TUBB: variants seen among roughly 807,000 people sequenced by gnomAD.
TUBB encodes the protein tubulin beta chain.
In TUBB, 2 loss-of-function variants were observed where a neutral mutation model predicts 35.1. That is an observed-to-expected ratio of 0.06 (90% CI 0.02 to 0.18). TUBB has a LOEUF of 0.18. TUBB is among the 10% of genes least tolerant of loss of function. TUBB has a pLI of 1.00. For synonymous variants in TUBB, 205 were observed against 223.8 expected (o/e 0.92, Z 0.75); for missense variants, 50 against 599.4 (o/e 0.08, Z 9.57).
chr6:30,720,601 GA>G (rs1776151491), intron 1 of TUBB, 38 bp downstream of exon 1: 2 of 1,585,808 alleles, frequency 1.3e-6, no homozygotes, highest in South Asian at 1.1e-5. Context: ...TTTTTACAAG[GA>G]AAAATCCAGG....
At chr6:30,722,111 C>A in intron 1 of TUBB, 1 of 199,878 alleles carries the variant, frequency 5.0e-6, no homozygotes, top group Non-Finnish European at 1.0e-5. Context: ...CGTGATTGCA[C>A]CACTGCACTG....
In TUBB at chr6:30,725,009, A is replaced by G. The variant is rs1776552138; in HGVS notation, c.*612A>G. On this transcript the variant is annotated 3_prime_UTR_variant, in exon 4 of 4. Coordinates refer to ENST00000327892, the MANE Select transcript of TUBB (RefSeq NM_178014.4). ...AGTCTGTCCCACTCTGTCAAGTGGAATCCTTCCCTTTCCAACTCTACCTCC... is the reference window on the plus strand; with the variant it reads ...AGTCTGTCCCACTCTGTCAAGTGGAGTCCTTCCCTTTCCAACTCTACCTCC... 2 of 152,240 alleles carry G rather than the reference A, an allele frequency of 1.3e-5. No individual in the cohort carries two copies. The highest frequency in any genetic ancestry group is 4.8e-5 in the African/African-American group (2 of 41,260). 9.4% of individuals were successfully genotyped at this position (152,240 alleles called of 1,614,324 possible).
intron 1 of TUBB, chr6:30,721,781 G>A: frequency 1.0e-6 from 1 of 985,420 alleles, no homozygotes; most frequent in Non-Finnish European, 1.2e-6. Context: ...AGGGAAAGCT[G>A]TGGCTTTCTC....
rs750851610 is a variant in TUBB at position 30,722,500 on chromosome 6, CTTGACCTG to C, written c.58-33_58-26del. On this transcript the variant is annotated intron_variant, in intron 1 of 3. Coordinates refer to ENST00000327892, the MANE Select transcript of TUBB (RefSeq NM_178014.4). The stretch of plus-strand genomic sequence containing the variant: ...TAGTTGGGGACATAGTTGGCTGGGA[CTTGACCTG>C]TTGTGGTCTCGTTGCTCCCCCTCGG... The C allele has an allele frequency of 8.4e-6, 12 of 1,437,042 alleles. No homozygotes were observed. In the African/African-American group the frequency reaches 1.4e-4, roughly 17 times the overall value. The allele number at this position is 1,437,042 out of a possible 1,614,324, so 89.0% of individuals were successfully genotyped here.
chr6:30,723,103 A>C, intron 3 of TUBB, 75 bp downstream of exon 3: 1 of 1,248,006 alleles, frequency 8.0e-7, no homozygotes, highest in Non-Finnish European at 1.2e-6. Flanking sequence ...ACACAGCAAA[A>C]GTTAGGAGAT....
At chr6:30,721,386 T>G (rs1331652842) in intron 1 of TUBB, among the ~76,000 whole-genome samples, 1 of 129,348 alleles carries the variant, frequency 7.7e-6, no homozygotes, top group African/African-American at 3.0e-5. Flanking sequence ...CGGGAGGAAG[T>G]GCGGCTGCTA....
At chr6:30,723,106 T>C (rs1304218054) in intron 3 of TUBB, 78 bp downstream of exon 3, 2 of 1,228,138 alleles carry the variant, frequency 1.6e-6, no homozygotes, top group Admixed American at 3.9e-5. Context: ...CAGCAAAAGT[T>C]AGGAGATGAT....
At chr6:30,723,099 C>A in intron 3 of TUBB, 71 bp downstream of exon 3, 2 of 1,278,564 alleles carry the variant, frequency 1.6e-6, no homozygotes, top group Non-Finnish European at 2.2e-6. Flanking sequence ...AAGGACACAG[C>A]AAAAGTTAGG....
At chr6:30,721,347 C>A (rs546671043) in intron 1 of TUBB, among the ~76,000 whole-genome samples, 2 of 141,500 alleles carry the variant, frequency 1.4e-5, no homozygotes, top group Admixed American at 1.4e-4. Context: ...TTTTTTTTTG[C>A]GCGCGGTTAC....
In TUBB at chr6:30,724,548, G is replaced by C; in HGVS notation, c.*151G>C. 1.5e-6 allele frequency: 1 copy of C among 649,616 alleles called. No homozygotes were observed. The highest frequency in any genetic ancestry group is 2.6e-6 in the Non-Finnish European group (1 of 387,334). 40.2% of individuals were successfully genotyped at this position (649,616 alleles called of 1,614,324 possible). On this transcript the variant is annotated 3_prime_UTR_variant, in exon 4 of 4. Coordinates refer to ENST00000327892, the MANE Select transcript of TUBB (RefSeq NM_178014.4). This position sits in a 1 kb window ranked among gnomAD's most constrained non-coding sequence, Gnocchi z 4.4. ...GGTCTAGAACAGTGCCTGGCACATA[G>C]TAGGCGCTCAATAAATACTTGTTTG...
rs961425254 is a variant in TUBB at position 30,722,477 on chromosome 6, G to C, written c.58-60G>C. 3.0e-5 allele frequency: 34 copies of C among 1,145,528 alleles called. No individual in the cohort carries two copies. The South Asian group carries it at 4.2e-4, about 14-fold the overall frequency. 71.0% of individuals were successfully genotyped at this position (1,145,528 alleles called of 1,614,324 possible). A position where few individuals can be genotyped will look rare whatever the true frequency, so the allele number is the denominator to read the frequency against. On this transcript the variant is annotated intron_variant, in intron 1 of 3. Transcript: ENST00000327892. ...AAGAAAAAGATGAAATAAAATGGTA[G>C]TTGGGGACATAGTTGGCTGGGACTT...
intron 1 of TUBB, 135 bp downstream of exon 1, chr6:30,720,698 A>G: frequency 1.4e-6 from 1 of 730,856 alleles, no homozygotes; most frequent in Non-Finnish European, 2.3e-6. Context: ...ACATTTATAT[A>G]TATAACAATT....
At chr6:30,722,804 T>C (rs1359521723) in intron 2 of TUBB, 114 bp from the exon 3 acceptor site, 2 of 1,138,720 alleles carry the variant, frequency 1.8e-6, no homozygotes, top group Non-Finnish European at 2.5e-6. Context: ...TGCTGCCACC[T>C]GGTGGCGGGA....
chr6:30,725,276 C>G lies in TUBB; in HGVS notation c.*879C>G, dbSNP rs1391947442. The stretch of plus-strand genomic sequence containing the variant: ...TCTTTTTTGCAACATCTCATTTCTT[C>G]CTTTTGCTGTTGCTTCCCCCCTCAC... On this transcript the variant is annotated 3_prime_UTR_variant, in exon 4 of 4. Transcript: ENST00000327892. 6.4e-6 allele frequency: 1 copy of G among 157,456 alleles called. No homozygotes were observed. The highest frequency in any genetic ancestry group is 1.4e-5 in the Non-Finnish European group (1 of 72,070). 9.8% of individuals were successfully genotyped at this position (157,456 alleles called of 1,614,324 possible).
At chr6:30,722,834 G>T in intron 2 of TUBB, 84 bp from the exon 3 acceptor site, 2 of 1,282,964 alleles carry the variant, frequency 1.6e-6, no homozygotes, top group Admixed American at 2.0e-5. Context: ...ACAAGTCTCT[G>T]ATCCCTGCTG....
intron 1 of TUBB, among the ~76,000 whole-genome samples, chr6:30,720,810 C>T (rs1368141731): frequency 1.3e-5 from 2 of 152,202 alleles, no homozygotes; most frequent in African/African-American, 4.8e-5. Flanking sequence ...GGCGGGAAGA[C>T]CGAGGACTTA....
At chr6:30,722,503 G>C in intron 1 of TUBB, 34 bp from the exon 2 acceptor site, 2 of 1,460,772 alleles carry the variant, frequency 1.4e-6, no homozygotes, top group Non-Finnish European at 1.9e-6. Context: ...GCTGGGACTT[G>C]ACCTGTTGTG....
chr6:30,724,142 C>G lies in TUBB; in HGVS notation c.1080C>G (p.Gly360=). The G allele has an allele frequency of 3.7e-6, 6 of 1,614,116 alleles. No individual in the cohort carries two copies. Among genetic ancestry groups the G allele is most frequent in the Non-Finnish European group, 5.1e-6 (6 of 1,179,974 alleles). ...CCGTCTGTGACATCCCACCTCGTGG[C>G]CTCAAGATGGCAGTCACCTTCATTG... is the stretch of plus-strand genomic sequence containing the variant. ...KTAVCDIPPR[G]LKMAVTFIGN... Residue 360 remains glycine, a synonymous_variant, in exon 4 of 4, where the codon GGC becomes GGG. Coordinates refer to ENST00000327892, the MANE Select transcript of TUBB (RefSeq NM_178014.4). This position sits in a 1 kb window ranked among gnomAD's most constrained non-coding sequence, Gnocchi z 4.4.
rs957489833 is a variant in TUBB, at chr6:30,722,724, C to G, written c.166+79C>G. ...TGGGATCTCTTTCCATTTCTGGGCA[C>G]GCCTTATCCCCTTTGGGTGAATCTG... is the stretch of plus-strand genomic sequence containing the variant. On this transcript the variant is annotated intron_variant, in intron 2 of 3. Transcript: ENST00000327892. 2.3e-6 allele frequency: 3 copies of G among 1,317,268 alleles called. No individual in the cohort carries two copies. In the East Asian group the frequency reaches 7.1e-5, roughly 31 times the overall value. 81.6% of individuals were successfully genotyped at this position (1,317,268 alleles called of 1,614,324 possible).
Sources: gnomAD v4.1 joint callset for allele counts (sites outside exome capture counted in the v4.1 genomes callset) on GRCh38, gnomAD v4.1.1 for gene constraint, Gnocchi (gnomAD v3.1) non-coding constraint, MANE v1.5 for transcripts, NCBI Gene and HGNC (gene_info 2026-07-23, HGNC 2026-07-21) for gene names.